The following NUMA1 variants were observed in gnomAD, a reference collection of about 807,000 sequenced individuals.
NUMA1 encodes the protein nuclear mitotic apparatus protein 1.
A neutral mutation model predicts 237.1 loss-of-function variants in NUMA1; 62 were observed. That is an observed-to-expected ratio of 0.26 (90% CI 0.21 to 0.32). The LOEUF is 0.32. Among genes scored for constraint, NUMA1 ranks in the 10% least tolerant of loss-of-function variants. NUMA1 has a pLI of 1.00. For missense variants in NUMA1, 2,533 were observed against 2,666.5 expected (o/e 0.95, Z 1.10); for synonymous variants, 1,028 against 1,066.1 (o/e 0.96, Z 0.70).
At chr11:72,031,543 C>A (rs1939244) in intron 3 of NUMA1, among the ~76,000 whole-genome samples, 41,719 of 152,058 alleles carry the variant, frequency 0.27, 7,070 homozygotes, top group East Asian at 0.42. Flanking sequence ...GCCTGTAATC[C>A]CAGCACTTGG....
At chr11:72,012,144 C>A (rs1956200140) in intron 16 of NUMA1, 4 of 484,520 alleles carry the variant, frequency 8.3e-6, no homozygotes, top group Admixed American at 3.9e-5. Flanking sequence ...GCCAGTGCTA[C>A]CCCTTGTCCC....
intron 2 of NUMA1, among the ~76,000 whole-genome samples, chr11:72,048,978 G>C (rs1942159126): frequency 1.3e-5 from 2 of 152,102 alleles, no homozygotes; most frequent in African/African-American, 4.8e-5. Context: ...GATTAATGAG[G>C]CAGTGTTGGT....
At chr11:72,007,158 T>C in intron 21 of NUMA1, 31 bp downstream of exon 21, 6 of 1,600,468 alleles carry the variant, frequency 3.7e-6, no homozygotes, top group Non-Finnish European at 5.1e-6. Context: ...TGGGAATTGC[T>C]GCCCTGCAGC....
chr11:72,049,191 A>G (rs1056088690), intron 2 of NUMA1, among the ~76,000 whole-genome samples: 3 of 152,186 alleles, frequency 2.0e-5, no homozygotes, highest in African/African-American at 7.2e-5. Context: ...TATCTAGCAC[A>G]ATGTTTGCTC....
At chr11:72,063,464 C>A (rs1205317101) in intron 2 of NUMA1, among the ~76,000 whole-genome samples, 1 of 151,922 alleles carries the variant, frequency 6.6e-6, no homozygotes, top group Admixed American at 6.6e-5. Flanking sequence ...GAGGCCGAGG[C>A]AGGATGATCT....
chr11:72,035,919 C>T lies in NUMA1; in HGVS notation c.25G>A (p.Ala9Thr). The T allele has an allele frequency of 6.2e-7, 1 of 1,613,490 alleles. No individual in the cohort carries two copies. The highest frequency in any genetic ancestry group is 8.5e-7 in the Non-Finnish European group (1 of 1,179,552). Residue 9 changes from alanine to threonine, a missense_variant, in exon 3 of 27, where the codon GCT (alanine) becomes ACT (threonine). Physicochemically the swap from Ala to Thr is moderately conservative, Grantham distance 58. Coordinates refer to ENST00000393695, the MANE Select transcript of NUMA1 (RefSeq NM_006185.4). Reference sequence around the variant, plus strand: ...CTACTTACCCAAGAGAGGAGTGCAGCCCCCCGGGTGGCGTGGAGTGTCATC... The same window carrying T: ...CTACTTACCCAAGAGAGGAGTGCAGTCCCCCGGGTGGCGTGGAGTGTCATC... MTLHATRG[A>T]ALLSWVNSLH...
chr11:72,080,524 G>C lies in NUMA1; in HGVS notation c.-169C>G. ...CGTACCTCTTCGTGGGCTCGCGCCAGCGCTGTGAGCGCACAATTAGTTTAA... is the reference window on the plus strand; with the variant it reads ...CGTACCTCTTCGTGGGCTCGCGCCACCGCTGTGAGCGCACAATTAGTTTAA... On this transcript the variant is annotated 5_prime_UTR_variant, in exon 1 of 27. Transcript: ENST00000393695. The C allele has an allele frequency of 6.6e-6, 1 of 152,026 alleles. No individual in the cohort carries two copies. The highest frequency in any genetic ancestry group is 1.5e-5 in the Non-Finnish European group (1 of 67,992). The allele number at this position is 152,026 out of a possible 1,614,324, so 9.4% of individuals were successfully genotyped here. A position where few individuals can be genotyped will look rare whatever the true frequency, so the allele number is the denominator to read the frequency against.
Position 72,013,386 on chromosome 11 carries a change from C to T in NUMA1, c.4117G>A (p.Glu1373Lys), listed in dbSNP as rs759382512. Residue 1373 changes from glutamate to lysine, a missense_variant, in exon 15 of 27, where the codon GAG (glutamate) becomes AAG (lysine). By Grantham distance (56) the Glu-to-Lys change is moderately conservative. Coordinates refer to ENST00000393695, the MANE Select transcript of NUMA1 (RefSeq NM_006185.4). The surrounding 1 kb of genome is among the most constrained non-coding windows in gnomAD (Gnocchi z 6.8). ...TGGCGTTTCTCGGCAGCGGCCTGCTCGGCCTGCAGCTGCTGGCAGAGGTGC... is the reference window on the plus strand; with the variant it reads ...TGGCGTTTCTCGGCAGCGGCCTGCTTGGCCTGCAGCTGCTGGCAGAGGTGC... ...AKHLCQQLQA[E>K]QAAAEKRHRE... The T allele has an allele frequency of 2.5e-6, 4 of 1,611,874 alleles. No individual in the cohort carries two copies. The highest frequency in any genetic ancestry group is 1.1e-5 in the South Asian group (1 of 91,022).
chr11:72,046,906 G>A (rs918741428), intron 2 of NUMA1, among the ~76,000 whole-genome samples: 1 of 152,130 alleles, frequency 6.6e-6, no homozygotes, highest in Admixed American at 6.5e-5. Flanking sequence ...GTTGCAGTGA[G>A]CTGAGATTGC....
chr11:72,032,503 CT>C (rs1183291595), intron 3 of NUMA1, among the ~76,000 whole-genome samples: 1 of 152,206 alleles, frequency 6.6e-6, no homozygotes, highest in Non-Finnish European at 1.5e-5. Context: ...TACCAATTAG[CT>C]GATGTAAAGT....
intron 2 of NUMA1, among the ~76,000 whole-genome samples, chr11:72,036,889 A>G (rs999965784): frequency 6.6e-6 from 1 of 152,178 alleles, no homozygotes; most frequent in Non-Finnish European, 1.5e-5. Context: ...CTCCAGGGGC[A>G]CAATGAGCCC....
chr11:72,048,856 G>A (rs1347140701), intron 2 of NUMA1, among the ~76,000 whole-genome samples: 2 of 152,168 alleles, frequency 1.3e-5, no homozygotes, highest in African/African-American at 4.8e-5. Flanking sequence ...AAGGGTTAGA[G>A]GGGGAGGCTG....
Position 72,013,775 on chromosome 11 carries a change from T to C in NUMA1, c.3728A>G (p.Glu1243Gly). Residue 1243 changes from glutamate (E) to glycine (G), a missense_variant, in exon 15 of 27, where the codon GAG (glutamate) becomes GGG (glycine). Transcript: ENST00000393695. This position sits in a 1 kb window ranked among gnomAD's most constrained non-coding sequence, Gnocchi z 6.8. ...EVSILNRQVLEKEGESKELKR... is the reference protein window; with the variant it reads ...EVSILNRQVLGKEGESKELKR... ...CAACTCCTTGCTCTCCCCCTCCTTC[T>C]CCAGGACCTGGCGATTCAGGATGGA... 1 of 1,610,014 alleles carries C rather than the reference T, an allele frequency of 6.2e-7. No homozygotes were observed. Among genetic ancestry groups the C allele is most frequent in the Non-Finnish European group, 8.5e-7 (1 of 1,179,990 alleles).
At chr11:72,008,091 C>T (rs1232605987) in intron 20 of NUMA1, 4 of 478,044 alleles carry the variant, frequency 8.4e-6, no homozygotes, top group African/African-American at 2.0e-5. Flanking sequence ...AATAAACCTA[C>T]CTCAGAGGGT....
intron 1 of NUMA1, among the ~76,000 whole-genome samples, chr11:72,072,781 A>G (rs2511076): frequency 0.89 from 134,789 of 152,128 alleles, 60,004 homozygotes; most frequent in Non-Finnish European, 0.95. Context: ...CTGGCCAGGC[A>G]CGGTGGCTCA....
chr11:72,011,842 G>A (rs931380210), intron 16 of NUMA1, among the ~76,000 whole-genome samples: 3 of 152,054 alleles, frequency 2.0e-5, no homozygotes, highest in African/African-American at 7.2e-5. Flanking sequence ...TTCACCCTCG[G>A]TCTTCCTGCT....
At position 72,005,901 on chromosome 11, in the gene NUMA1, G is replaced by GGA. The variant is rs1740552714; in HGVS notation, c.5692+132_5692+133dup. 6 of 735,096 alleles carry GGA rather than the reference G, an allele frequency of 8.2e-6. No homozygotes were observed. In the South Asian group the frequency reaches 1.1e-4, roughly 13 times the overall value. 45.5% of individuals were successfully genotyped at this position (735,096 alleles called of 1,614,324 possible). A position where few individuals can be genotyped will look rare whatever the true frequency, so the allele number is the denominator to read the frequency against. ...AAGGAAGGCCCTGAGGCTGCAGGAA[G>GGA]GAGGGGCAGGTGGAGCTGGATGGTA... On this transcript the variant is annotated intron_variant, in intron 22 of 26. Coordinates refer to ENST00000393695, the MANE Select transcript of NUMA1 (RefSeq NM_006185.4).
Position 72,013,333 on chromosome 11 carries a change from C to T in NUMA1, c.4170G>A (p.Gln1390=). The T allele has an allele frequency of 6.2e-7, 1 of 1,607,018 alleles. No individual in the cohort carries two copies. Among genetic ancestry groups the T allele is most frequent in the East Asian group, 2.2e-5 (1 of 44,864 alleles). ...RHREELEQSK[Q]AAGGLRAELL... ...GCTCTGCCCGCAGTCCCCCAGCGGC[C>T]TGCTTGCTCTGCTCCAGCTCCTCAC... Residue 1390 remains glutamine (Q), a synonymous_variant, in exon 15 of 27, where the codon CAG becomes CAA. Transcript: ENST00000393695. This position sits in a 1 kb window ranked among gnomAD's most constrained non-coding sequence, Gnocchi z 6.8.
chr11:72,071,493 T>C (rs1015681781), intron 1 of NUMA1, among the ~76,000 whole-genome samples: 6 of 152,230 alleles, frequency 3.9e-5, no homozygotes, highest in South Asian at 2.1e-4. Flanking sequence ...AAAGACATGA[T>C]AGTCATGACA....
Sources: allele counts gnomAD v4.1 joint callset (sites outside exome capture counted in the v4.1 genomes callset), GRCh38; gene constraint gnomAD v4.1.1; non-coding constraint Gnocchi (gnomAD v3.1); transcripts MANE v1.5; gene names NCBI Gene and HGNC (gene_info 2026-07-23, HGNC 2026-07-21).